CD96: variants seen among roughly 807,000 people sequenced by gnomAD.
CD96 encodes T-cell surface protein tactile.
A neutral mutation model predicts 71.3 loss-of-function variants in CD96; 70 were observed. The observed-to-expected ratio is 0.98, with a 90% CI of 0.81 to 1.20. The LOEUF is 1.20. Among genes scored for constraint, CD96 ranks in the 50% most tolerant of loss-of-function variants. The pLI, the probability that CD96 is intolerant of heterozygous loss-of-function variation, is 0.00. For missense variants in CD96, 742 were observed against 677.5 expected, an observed-to-expected ratio of 1.10 and a Z score of -1.06; for synonymous variants, 248 against 233.0, an observed-to-expected ratio of 1.06 and a Z score of -0.59.
chr3:111,598,059 T>C (rs1387600921), intron 5 of CD96, 61 bp from the exon 6 acceptor site: 3 of 796,418 alleles, frequency 3.8e-6, no homozygotes, highest in Non-Finnish European at 6.9e-6. Context: ...TGTTAGTAAG[T>C]TGTAAGGAGT....
intron 8 of CD96, among the ~76,000 whole-genome samples, chr3:111,616,943 G>T (rs191068811): frequency 6.6e-6 from 1 of 152,300 alleles, no homozygotes; most frequent in East Asian, 1.9e-4. Flanking sequence ...AGAAGGGCCT[G>T]CTTCCACCCC....
chr3:111,611,251 G>A (rs1018014369), intron 8 of CD96, among the ~76,000 whole-genome samples: 8 of 152,130 alleles, frequency 5.3e-5, no homozygotes, highest in African/African-American at 1.9e-4. Context: ...AGCACCCCAG[G>A]TAGACATAAC....
intron 4 of CD96, chr3:111,579,506 A>T: frequency 2.0e-6 from 1 of 493,048 alleles, no homozygotes; most frequent in Non-Finnish European, 3.7e-6. Context: ...AAATACCTGA[A>T]ACTGAGTAAT....
intron 12 of CD96, among the ~76,000 whole-genome samples, chr3:111,644,873 A>G (rs1344648291): frequency 5.3e-5 from 8 of 152,148 alleles, no homozygotes; most frequent in Middle Eastern, 3.4e-3. Context: ...AGATGTTGGC[A>G]TGGATGTGGT....
chr3:111,551,105 C>G (rs186581190), intron 2 of CD96, among the ~76,000 whole-genome samples: 1 of 152,190 alleles, frequency 6.6e-6, no homozygotes, highest in African/African-American at 2.4e-5. Context: ...GAGTGATTAA[C>G]TCATTAAAAG....
chr3:111,652,824 G>C (rs1940137995), downstream of CD96, among the ~76,000 whole-genome samples: 1 of 151,872 alleles, frequency 6.6e-6, no homozygotes, highest in African/African-American at 2.4e-5. Flanking sequence ...GCCTTAAATT[G>C]TGTGCGAGTA....
intron 7 of CD96, among the ~76,000 whole-genome samples, chr3:111,602,407 C>G (rs887814814): frequency 1.1e-4 from 16 of 151,960 alleles, no homozygotes; most frequent in African/African-American, 3.9e-4. Flanking sequence ...TAGGGCAGAG[C>G]TTGATCTAGT....
At chr3:111,544,433 G>C (rs1176582060) in intron 1 of CD96, among the ~76,000 whole-genome samples, 1 of 151,840 alleles carries the variant, frequency 6.6e-6, no homozygotes, top group East Asian at 1.9e-4. Flanking sequence ...GTGAGCCACT[G>C]CGCCAGGCCT....
chr3:111,550,736 AAAG>A (rs1934660282), intron 2 of CD96, among the ~76,000 whole-genome samples: 1 of 152,192 alleles, frequency 6.6e-6, no homozygotes, highest in South Asian at 2.1e-4. Context: ...AAGCTTCAGA[AAAG>A]AAGATTGAGG....
chr3:111,621,411 C>A (rs1017322304), intron 8 of CD96, among the ~76,000 whole-genome samples: 7 of 152,188 alleles, frequency 4.6e-5, no homozygotes, highest in Admixed American at 4.6e-4. Context: ...AAGAGCCTAT[C>A]ATATCTCTCA....
intron 5 of CD96, among the ~76,000 whole-genome samples, chr3:111,590,378 C>T (rs1179283424): frequency 6.6e-6 from 1 of 152,238 alleles, no homozygotes; most frequent in Non-Finnish European, 1.5e-5. Flanking sequence ...TTGAAGTCAA[C>T]ATGCACACAC....
intron 5 of CD96, chr3:111,594,226 A>G (rs1937148617): frequency 1.9e-6 from 3 of 1,562,748 alleles, no homozygotes; most frequent in Non-Finnish European, 2.6e-6. Context: ...AGCGTTCTTT[A>G]TGATGTGCTT....
chr3:111,573,273 T>G (rs1269246688), intron 3 of CD96, among the ~76,000 whole-genome samples: 1 of 152,234 alleles, frequency 6.6e-6, no homozygotes, highest in African/African-American at 2.4e-5. Context: ...TCCCACAGCA[T>G]GAATTTCAGT....
At chr3:111,625,186 T>C (rs925886968) in intron 10 of CD96, among the ~76,000 whole-genome samples, 1 of 152,212 alleles carries the variant, frequency 6.6e-6, no homozygotes, top group Non-Finnish European at 1.5e-5. Context: ...TCCTGGGAAC[T>C]TGTCCTTAGG....
At chr3:111,599,981 A>G (rs913272133) in intron 6 of CD96, among the ~76,000 whole-genome samples, 1 of 152,264 alleles carries the variant, frequency 6.6e-6, no homozygotes, top group Non-Finnish European at 1.5e-5. Flanking sequence ...GCTGCCAAGT[A>G]TGCTATTTGG....
At chr3:111,628,468 C>T (rs750162196) in intron 10 of CD96, among the ~76,000 whole-genome samples, 1 of 151,932 alleles carries the variant, frequency 6.6e-6, no homozygotes, top group South Asian at 2.1e-4. Flanking sequence ...GACAGGCCAA[C>T]AAAAACAGAA....
At chr3:111,637,081 T>A in intron 10 of CD96, 115 bp from the exon 11 acceptor site, 1 of 710,964 alleles carries the variant, frequency 1.4e-6, no homozygotes, top group Non-Finnish European at 2.6e-6. Flanking sequence ...GTTTAATGAT[T>A]TTGCTTTATG....
intron 12 of CD96, among the ~76,000 whole-genome samples, chr3:111,642,001 G>T (rs1247247844): frequency 6.6e-6 from 1 of 152,154 alleles, no homozygotes; most frequent in African/African-American, 2.4e-5. Flanking sequence ...CAAAGGTGGT[G>T]CTAAGAGGAA....
intron 12 of CD96, among the ~76,000 whole-genome samples, chr3:111,646,529 T>C (rs2107783816): frequency 6.6e-6 from 1 of 150,594 alleles, no homozygotes; most frequent in Middle Eastern, 3.4e-3. Context: ...AGAATGGCTA[T>C]TACTGAAAAG....
Sources: gnomAD v4.1 joint callset for allele counts (sites outside exome capture counted in the v4.1 genomes callset) on GRCh38, gnomAD v4.1.1 for gene constraint, MANE v1.5 for transcripts, NCBI Gene and HGNC (gene_info 2026-07-23, HGNC 2026-07-21) for gene names.